Variants in CNTNAP2 observed in about 807,000 individuals in gnomAD.
CNTNAP2 encodes contactin associated protein 2, also known as contactin-associated protein-like 2.
In CNTNAP2, 98 loss-of-function variants were observed where a neutral mutation model predicts 155.2. The ratio of observed to expected loss-of-function variants is 0.63; its 90% CI spans 0.54 to 0.75. CNTNAP2 has a LOEUF of 0.75. Among genes scored for constraint, CNTNAP2 ranks in the 30% least tolerant of loss-of-function variants. CNTNAP2 has a pLI of 0.00. For synonymous variants in CNTNAP2, 651 were observed against 631.2 expected, an observed-to-expected ratio of 1.03 and a Z score of -0.47; for missense variants, 1,727 against 1,688.1, an observed-to-expected ratio of 1.02 and a Z score of -0.40.
At chr7:147,481,203 G>A (rs913686454) in intron 10 of CNTNAP2, among the ~76,000 whole-genome samples, 1 of 152,108 alleles carries the variant, frequency 6.6e-6, no homozygotes, top group Non-Finnish European at 1.5e-5. Context: ...AGCCTTCAAC[G>A]TGCGTTGATG....
chr7:147,176,742 AAT>A (rs1418566264), intron 8 of CNTNAP2, among the ~76,000 whole-genome samples: 44 of 99,806 alleles, frequency 4.4e-4, no homozygotes, highest in African/African-American at 1.0e-3. Context: ...ATAGAATTAT[AAT>A]TATAATATAT....
chr7:146,228,554 A>C lies in CNTNAP2; in HGVS notation c.97+111581A>C, dbSNP rs545440565. 9.2e-5 allele frequency among the ~76,000 whole-genome samples: 14 copies of C among 152,360 alleles called. No homozygotes were observed. In the South Asian group the frequency reaches 1.7e-3, roughly 18 times the overall value. ...GTATATGTATATATTCTTTCTACAG[A>C]GCAAGCTCTTTATGCATTAATAGTA... On this transcript the variant is annotated intron_variant, in intron 1 of 23. Coordinates refer to ENST00000361727, the MANE Select transcript of CNTNAP2 (RefSeq NM_014141.6).
intron 5 of CNTNAP2, 147 bp downstream of exon 5, chr7:147,108,497 T>A: frequency 1.4e-6 from 1 of 706,116 alleles, no homozygotes; most frequent in Non-Finnish European, 2.3e-6. Context: ...AGTAGGTATA[T>A]AATGAAACAC....
At chr7:148,223,814 A>T (rs1289417376) in intron 19 of CNTNAP2, among the ~76,000 whole-genome samples, 2 of 152,238 alleles carry the variant, frequency 1.3e-5, no homozygotes, top group African/African-American at 2.4e-5. Context: ...CAAGAAGGAC[A>T]GAAAAGAAAA....
At chr7:147,747,141 T>C (rs1160060638) in intron 13 of CNTNAP2, among the ~76,000 whole-genome samples, 1 of 152,206 alleles carries the variant, frequency 6.6e-6, no homozygotes, top group Non-Finnish European at 1.5e-5. Context: ...CCGCCTCTTA[T>C]CTATGTCAGA....
At position 146,933,016 on chromosome 7, in the gene CNTNAP2, G is replaced by A. The variant is rs1213913681; in HGVS notation, c.402+93112G>A. On this transcript the variant is annotated intron_variant, in intron 3 of 23. Transcript: ENST00000361727. Reference sequence around the variant, plus strand: ...TCGTGAAAATGGCCATACTGCCCAAGGTAATTTATAGATTCAATGCCATCC... The same window carrying A: ...TCGTGAAAATGGCCATACTGCCCAAAGTAATTTATAGATTCAATGCCATCC... Among the ~76,000 whole-genome samples the A allele has an allele frequency of 5.9e-5, 9 of 152,164 alleles. No individual in the cohort carries two copies. The East Asian group carries it at 1.5e-3, about 26-fold the overall frequency.
At chr7:148,298,014 G>A (rs1240781042) in intron 21 of CNTNAP2, among the ~76,000 whole-genome samples, 1 of 151,864 alleles carries the variant, frequency 6.6e-6, no homozygotes, top group Non-Finnish European at 1.5e-5. Flanking sequence ...GATCACCAAA[G>A]GAAAATGAAA....
chr7:146,784,129 T>C (rs146755475), intron 2 of CNTNAP2, among the ~76,000 whole-genome samples: 1 of 152,292 alleles, frequency 6.6e-6, no homozygotes, highest in Non-Finnish European at 1.5e-5. Flanking sequence ...TTTTTCAATT[T>C]TGGACTTTTG....
Position 147,830,569 on chromosome 7 carries a change from C to T in CNTNAP2, c.2099-72996C>T, listed in dbSNP as rs545985426. ...GTAAAGAAGGGAAAATCATTTCAGC[C>T]CAAGTATTCGCCCTGCTTTAACTTT... On this transcript the variant is annotated intron_variant, in intron 13 of 23. Transcript: ENST00000361727. 8.5e-5 allele frequency among the ~76,000 whole-genome samples: 13 copies of T among 152,194 alleles called. No individual in the cohort carries two copies. The East Asian group carries it at 2.5e-3, about 29-fold the overall frequency.
intron 1 of CNTNAP2, among the ~76,000 whole-genome samples, chr7:146,645,633 G>A (rs1209690425): frequency 2.0e-5 from 3 of 152,118 alleles, no homozygotes; most frequent in African/African-American, 7.2e-5. Flanking sequence ...CTTTTTAACA[G>A]CTTGACTGAG....
At chr7:146,774,594 T>C (rs1315731577) in intron 2 of CNTNAP2, among the ~76,000 whole-genome samples, 2 of 152,110 alleles carry the variant, frequency 1.3e-5, no homozygotes, top group East Asian at 1.9e-4. Flanking sequence ...AAGTTAGAGA[T>C]AGTACGTCAA....
chr7:147,750,269 A>C (rs934220161), intron 13 of CNTNAP2, among the ~76,000 whole-genome samples: 4 of 152,206 alleles, frequency 2.6e-5, no homozygotes, highest in Non-Finnish European at 5.9e-5. Flanking sequence ...AATGGAAAAA[A>C]TGTTGATGTG....
intron 16 of CNTNAP2, among the ~76,000 whole-genome samples, chr7:148,146,089 ATTAGAAG>A (rs1420936525): frequency 6.6e-6 from 1 of 152,232 alleles, no homozygotes; most frequent in Non-Finnish European, 1.5e-5. Flanking sequence ...TGGTTTCTAA[ATTAGAAG>A]TTTGATTGCT....
chr7:148,415,168 G>A (rs1336351941), intron 23 of CNTNAP2, among the ~76,000 whole-genome samples: 2 of 152,198 alleles, frequency 1.3e-5, no homozygotes, highest in Non-Finnish European at 2.9e-5. Context: ...TCTGTAGACT[G>A]TCATTTCATA....
At chr7:148,390,478 C>T (rs1007857291) in intron 22 of CNTNAP2, among the ~76,000 whole-genome samples, 6 of 152,002 alleles carry the variant, frequency 3.9e-5, no homozygotes, top group Non-Finnish European at 7.4e-5. Flanking sequence ...ACAGCAGGTG[C>T]CTTGCTGTGA....
intron 11 of CNTNAP2, among the ~76,000 whole-genome samples, chr7:147,501,089 G>A (rs1243231698): frequency 2.0e-5 from 3 of 151,912 alleles, no homozygotes; most frequent in African/African-American, 7.3e-5. Context: ...ATCTAAATTA[G>A]CAAATGTGAT....
chr7:148,256,499 A>C (rs769461084), intron 20 of CNTNAP2, among the ~76,000 whole-genome samples: 2 of 151,808 alleles, frequency 1.3e-5, no homozygotes, highest in Non-Finnish European at 2.9e-5. Flanking sequence ...CCCCCAGGCC[A>C]CCTCTCCTCT....
chr7:146,262,880 A>G (rs1284048470), intron 1 of CNTNAP2, among the ~76,000 whole-genome samples: 3 of 152,220 alleles, frequency 2.0e-5, no homozygotes, highest in Non-Finnish European at 4.4e-5. Context: ...GGGAATATAT[A>G]TAAGAATCAC....
chr7:147,284,763 G>C (rs939243763), intron 8 of CNTNAP2, among the ~76,000 whole-genome samples: 5 of 151,724 alleles, frequency 3.3e-5, no homozygotes, highest in Non-Finnish European at 7.4e-5. Flanking sequence ...TACCAAAAGG[G>C]CAGTTGACAC....
Sources: allele counts gnomAD v4.1 joint callset (sites outside exome capture counted in the v4.1 genomes callset), GRCh38; gene constraint gnomAD v4.1.1; transcripts MANE v1.5; gene names NCBI Gene and HGNC (gene_info 2026-07-23, HGNC 2026-07-21).